Variants in ATG7 observed in about 807,000 individuals in gnomAD.
ATG7 encodes ubiquitin-like modifier-activating enzyme ATG7.
In ATG7, 70 loss-of-function variants were observed where a neutral mutation model predicts 82.4. The ratio of observed to expected loss-of-function variants is 0.85; its 90% confidence interval spans 0.70 to 1.04. The LOEUF (loss-of-function observed/expected upper bound fraction) is 1.04. Among genes scored for constraint, ATG7 ranks in the 50% least tolerant of loss-of-function variants. The pLI is 0.00. For synonymous variants in ATG7, 287 were observed against 313.0 expected (o/e 0.92, Z 0.88); for missense variants, 792 against 864.3 (o/e 0.92, Z 1.05).
intron 14 of ATG7, among the ~76,000 whole-genome samples, chr3:11,349,430 T>A (rs887491231): frequency 6.6e-6 from 1 of 152,102 alleles, no homozygotes; most frequent in Non-Finnish European, 1.5e-5. Context: ...CCAGCTACAC[T>A]AGTGGCTGAA....
At chr3:11,553,172 G>A (rs973560514) in intron 20 of ATG7, among the ~76,000 whole-genome samples, 10 of 152,086 alleles carry the variant, frequency 6.6e-5, no homozygotes, top group Non-Finnish European at 1.2e-4. Flanking sequence ...AGCCCGCCCC[G>A]CCCTTTTCCA....
chr3:11,516,156 A>G (rs1451865816), intron 20 of ATG7, among the ~76,000 whole-genome samples: 2 of 152,122 alleles, frequency 1.3e-5, no homozygotes, highest in South Asian at 2.1e-4. Context: ...TGCATCCCCA[A>G]CTCATCAGGG....
downstream of ATG7, chr3:11,558,768 A>T: frequency 6.2e-7 from 1 of 1,614,030 alleles, no homozygotes; most frequent in Non-Finnish European, 8.5e-7. Flanking sequence ...GGCTCCTTGT[A>T]ATTCTTGCCC....
intron 19 of ATG7, among the ~76,000 whole-genome samples, chr3:11,422,212 C>T (rs2081990957): frequency 1.3e-5 from 2 of 152,240 alleles, no homozygotes; most frequent in Admixed American, 1.3e-4. Context: ...GACTTCTCCT[C>T]TGTAGCTACG....
At chr3:11,514,384 C>CT (rs2092197564) in intron 20 of ATG7, among the ~76,000 whole-genome samples, 1 of 152,248 alleles carries the variant, frequency 6.6e-6, no homozygotes, top group Non-Finnish European at 1.5e-5. Flanking sequence ...CTGACCTTCC[C>CT]TTTTCAGATC....
At chr3:11,498,378 C>T (rs1292315511) in intron 20 of ATG7, among the ~76,000 whole-genome samples, 2 of 152,268 alleles carry the variant, frequency 1.3e-5, no homozygotes, top group South Asian at 2.1e-4. Context: ...GCTGAAGAAG[C>T]GGGCAGGCAG....
chr3:11,479,929 A>AT (rs1240114722), intron 20 of ATG7, among the ~76,000 whole-genome samples: 1,465 of 140,782 alleles, frequency 0.01, 12 homozygotes, highest in African/African-American at 0.022. Flanking sequence ...CCTGGAATCA[A>AT]TTTTTTTTTT....
At chr3:11,477,434 C>CTGATGCTTGTGTTT in intron 20 of ATG7, 1 of 548,214 alleles carries the variant, frequency 1.8e-6, no homozygotes, top group Non-Finnish European at 2.4e-6. Context: ...TAAACACAAG[C>CTGATGCTTGTGTTT]ATCAGCATGT....
chr3:11,275,827 CTTCA>C (rs1397280905), intron 1 of ATG7, among the ~76,000 whole-genome samples: 2 of 152,198 alleles, frequency 1.3e-5, no homozygotes, highest in African/African-American at 2.4e-5. Flanking sequence ...CTCAGACCGG[CTTCA>C]GAATGATCAC....
chr3:11,367,378 A>G (rs1048238932), intron 18 of ATG7, among the ~76,000 whole-genome samples: 6 of 152,154 alleles, frequency 3.9e-5, no homozygotes, highest in Non-Finnish European at 7.3e-5. Flanking sequence ...TACTGGGCTC[A>G]TTTTTCTCAG....
chr3:11,363,426 A>G (rs1380913571), intron 17 of ATG7, among the ~76,000 whole-genome samples: 3 of 152,082 alleles, frequency 2.0e-5, no homozygotes, highest in Admixed American at 6.6e-5. Flanking sequence ...TATTTTTAGT[A>G]GAGATGGGGT....
At chr3:11,314,288 G>T (rs1032812369) in intron 8 of ATG7, among the ~76,000 whole-genome samples, 2 of 152,202 alleles carry the variant, frequency 1.3e-5, no homozygotes, top group Non-Finnish European at 2.9e-5. Flanking sequence ...TTAAGGCAAA[G>T]ATTATGTGTC....
chr3:11,430,255 A>G (rs547156472), intron 20 of ATG7, among the ~76,000 whole-genome samples: 1 of 152,304 alleles, frequency 6.6e-6, no homozygotes, highest in Admixed American at 6.5e-5. Flanking sequence ...TTACTGTTCT[A>G]ACTACATCAT....
chr3:11,563,914 C>G, the ATG7 span, among the ~76,000 whole-genome samples: 1 of 152,194 alleles, frequency 6.6e-6, no homozygotes, highest in Non-Finnish European at 1.5e-5. Flanking sequence ...TTCAACAGAC[C>G]CCATCAGACA....
At chr3:11,503,343 A>T (rs1020832683) in intron 20 of ATG7, among the ~76,000 whole-genome samples, 1 of 152,214 alleles carries the variant, frequency 6.6e-6, no homozygotes, top group African/African-American at 2.4e-5. Context: ...AAAATGTTAC[A>T]TGTCCCAAAA....
intron 19 of ATG7, among the ~76,000 whole-genome samples, chr3:11,397,155 T>G (rs184432734): frequency 4.6e-5 from 7 of 152,268 alleles, no homozygotes; most frequent in Non-Finnish European, 1.0e-4. Context: ...TTTTTAAATT[T>G]ATATGCATTA....
intron 20 of ATG7, among the ~76,000 whole-genome samples, chr3:11,550,744 ATGT>A (rs773925743): frequency 7.2e-5 from 11 of 151,852 alleles, no homozygotes; most frequent in South Asian, 2.1e-4. Context: ...CCTTTATGGT[ATGT>A]TGTTATGTTT....
At chr3:11,434,389 C>T (rs2152956575) in intron 20 of ATG7, among the ~76,000 whole-genome samples, 1 of 152,304 alleles carries the variant, frequency 6.6e-6, no homozygotes, top group South Asian at 2.1e-4. Flanking sequence ...ATCCAGTTCC[C>T]TTTTCCCAGA....
chr3:11,475,121 C>A (rs754869146), intron 20 of ATG7, among the ~76,000 whole-genome samples: 10 of 151,390 alleles, frequency 6.6e-5, no homozygotes, highest in Non-Finnish European at 1.5e-4. Context: ...GAATGCTGGG[C>A]AAGGTAGATT....
Sources: gnomAD v4.1 joint callset for allele counts (sites outside exome capture counted in the v4.1 genomes callset) on GRCh38, gnomAD v4.1.1 for gene constraint, MANE v1.5 for transcripts, NCBI Gene and HGNC (gene_info 2026-07-23, HGNC 2026-07-21) for gene names.